Variants in CSMD1 observed in about 807,000 individuals in gnomAD.
The protein encoded by CSMD1 is CUB and sushi domain-containing protein 1.
Under a neutral mutation model 417.5 loss-of-function variants are expected in CSMD1, and 213 were observed. That is an observed-to-expected ratio of 0.51 (90% CI 0.46 to 0.57). CSMD1 has a LOEUF of 0.57. Ranked by LOEUF, CSMD1 falls within the 20% of genes least tolerant of loss-of-function variation. CSMD1 has a pLI of 0.00. For missense variants in CSMD1, 6,923 were observed against 4,529.7 expected (o/e 1.53, Z -15.17); for synonymous variants, 2,862 against 1,736.8 (o/e 1.65, Z -16.11).
chr8:4,000,984 T>C (rs1187637143), intron 4 of CSMD1, among the ~76,000 whole-genome samples: 7 of 151,904 alleles, frequency 4.6e-5, no homozygotes, highest in Admixed American at 2.6e-4. Flanking sequence ...TGAAACTACA[T>C]ACATTCTTCA....
chr8:3,889,303 A>G (rs1806781541), intron 5 of CSMD1, among the ~76,000 whole-genome samples: 1 of 151,440 alleles, frequency 6.6e-6, no homozygotes, highest in Admixed American at 6.6e-5. Context: ...TCAGAGGTTA[A>G]AAGGAAAAGA....
intron 2 of CSMD1, among the ~76,000 whole-genome samples, chr8:4,427,076 G>C (rs1278963529): frequency 6.6e-6 from 1 of 152,054 alleles, no homozygotes; most frequent in Non-Finnish European, 1.5e-5. Context: ...GGAGATCAAA[G>C]AGCACAGGTG....
At chr8:4,003,100 A>C (rs1044562235) in intron 4 of CSMD1, among the ~76,000 whole-genome samples, 8 of 152,216 alleles carry the variant, frequency 5.3e-5, no homozygotes, top group African/African-American at 1.7e-4. Flanking sequence ...GTATTTTAAG[A>C]AACAAGATAC....
chr8:4,931,534 A>T (rs1262811354), intron 1 of CSMD1, among the ~76,000 whole-genome samples: 1 of 152,064 alleles, frequency 6.6e-6, no homozygotes, highest in Non-Finnish European at 1.5e-5. Context: ...ACGCAAGGTG[A>T]CTGCCTTGGA....
chr8:4,784,015 T>A (rs1454226741), intron 1 of CSMD1, among the ~76,000 whole-genome samples: 3 of 152,134 alleles, frequency 2.0e-5, no homozygotes, highest in African/African-American at 7.2e-5. Context: ...TAGTGAAAAT[T>A]ATGGATAAAA....
chr8:4,868,894 G>T (rs1802572870), intron 1 of CSMD1, among the ~76,000 whole-genome samples: 1 of 151,820 alleles, frequency 6.6e-6, no homozygotes, highest in African/African-American at 2.4e-5. Context: ...AGTAATATTT[G>T]CACGTTTTCT....
At chr8:3,605,165 T>C (rs1477263277) in intron 8 of CSMD1, among the ~76,000 whole-genome samples, 1 of 152,162 alleles carries the variant, frequency 6.6e-6, no homozygotes, top group Non-Finnish European at 1.5e-5. Flanking sequence ...CTAATTTTTG[T>C]ATTTTTAGTA....
At chr8:4,383,667 A>T (rs75768232) in intron 3 of CSMD1, among the ~76,000 whole-genome samples, 483 of 152,302 alleles carry the variant, frequency 3.2e-3, no homozygotes, top group African/African-American at 0.011. Flanking sequence ...AATATTCCAA[A>T]GAAAGAAACC....
chr8:4,099,386 T>A (rs1033233997), intron 3 of CSMD1, among the ~76,000 whole-genome samples: 1 of 152,120 alleles, frequency 6.6e-6, no homozygotes, highest in Non-Finnish European at 1.5e-5. Flanking sequence ...CCTCACCTCC[T>A]ATCGCTTACC....
chr8:3,123,501 T>C (rs1817324531), intron 41 of CSMD1, among the ~76,000 whole-genome samples: 1 of 152,220 alleles, frequency 6.6e-6, no homozygotes, highest in African/African-American at 2.4e-5. Context: ...TCTTTTAGAA[T>C]GAAATCAGCA....
In CSMD1 at chr8:4,169,573, T is replaced by C. The variant is rs1584949762; in HGVS notation, c.416-137474A>G. On this transcript the variant is annotated intron_variant, in intron 3 of 69. Coordinates refer to ENST00000635120, the MANE Select transcript of CSMD1 (RefSeq NM_033225.6). ...ATGTTACTTTTCTCATATTTTGCTC[T>C]TCTCAACACAGGCATTAGAAGAATC... Among the ~76,000 whole-genome samples the C allele has an allele frequency of 3.3e-5, 5 of 152,278 alleles. No homozygotes were observed. The South Asian group carries it at 1.0e-3, about 32-fold the overall frequency.
At chr8:3,511,756 T>TA (rs138859130) in intron 10 of CSMD1, among the ~76,000 whole-genome samples, 8,630 of 75,394 alleles carry the variant, frequency 0.11, 380 homozygotes, top group African/African-American at 0.16. Context: ...ACTCCATCTC[T>TA]AAAAAAATAA....
At chr8:4,000,389 G>C (rs910012077) in intron 4 of CSMD1, among the ~76,000 whole-genome samples, 1 of 152,170 alleles carries the variant, frequency 6.6e-6, no homozygotes, top group Non-Finnish European at 1.5e-5. Flanking sequence ...TGTCAAAATT[G>C]TATTTTTGAA....
At chr8:4,506,020 A>G (rs2130311745) in intron 2 of CSMD1, among the ~76,000 whole-genome samples, 1 of 151,990 alleles carries the variant, frequency 6.6e-6, no homozygotes, top group African/African-American at 2.4e-5. Context: ...CTGGTCTCAA[A>G]CTCTGCCCCA....
intron 10 of CSMD1, among the ~76,000 whole-genome samples, chr8:3,494,963 A>T (rs182191685): frequency 6.6e-6 from 1 of 152,202 alleles, no homozygotes; most frequent in East Asian, 1.9e-4. Context: ...AACAGGCTCT[A>T]AACAGGTGCT....
At chr8:4,412,338 A>G (rs1156725882) in intron 3 of CSMD1, among the ~76,000 whole-genome samples, 1 of 151,228 alleles carries the variant, frequency 6.6e-6, no homozygotes, top group Admixed American at 6.6e-5. Context: ...ACCAAAATTG[A>G]ACTGAAAAGT....
At chr8:3,069,733 G>C (rs1483508665) in intron 49 of CSMD1, among the ~76,000 whole-genome samples, 1 of 152,162 alleles carries the variant, frequency 6.6e-6, no homozygotes, top group Non-Finnish European at 1.5e-5. Context: ...CTGGAGGGCA[G>C]TGATCCCTTC....
At chr8:4,754,764 G>C (rs138665586) in intron 1 of CSMD1, among the ~76,000 whole-genome samples, 3 of 152,018 alleles carry the variant, frequency 2.0e-5, no homozygotes, top group Admixed American at 1.3e-4. Flanking sequence ...CAGGAGATTC[G>C]TTTGAACCCA....
rs1244561522 is a variant in CSMD1, at chr8:4,562,262, C to A, written c.302+75080G>T. ...TTCCACACGGGAAATACACAGGCAT[C>A]ATTACGCGAGCAGAGAGAGGACAAC... On this transcript the variant is annotated intron_variant, in intron 2 of 69. Coordinates refer to ENST00000635120, the MANE Select transcript of CSMD1 (RefSeq NM_033225.6). Among the ~76,000 whole-genome samples, 5 of 152,146 alleles carry A rather than the reference C, an allele frequency of 3.3e-5. No individual in the cohort carries two copies. The South Asian group carries it at 1.0e-3, about 32-fold the overall frequency.
Sources: gnomAD v4.1 joint callset for allele counts (sites outside exome capture counted in the v4.1 genomes callset) on GRCh38, gnomAD v4.1.1 for gene constraint, MANE v1.5 for transcripts, NCBI Gene and HGNC (gene_info 2026-07-23, HGNC 2026-07-21) for gene names.